The following PHF21A variants were observed in gnomAD, a reference collection of about 807,000 sequenced individuals.
PHF21A encodes the protein BHC80a.
Under a neutral mutation model 82.5 loss-of-function variants are expected in PHF21A, and 11 were observed. That is an observed-to-expected ratio of 0.13 (90% confidence interval 0.08 to 0.22). The LOEUF (loss-of-function observed/expected upper bound fraction) is 0.22. Among genes scored for constraint, PHF21A ranks in the 10% least tolerant of loss-of-function variants. The pLI, the probability that PHF21A is intolerant of heterozygous loss-of-function variation, is 1.00. For missense variants in PHF21A, 579 were observed against 837.8 expected (o/e 0.69, Z 3.81); for synonymous variants, 297 against 302.8 (o/e 0.98, Z 0.20).
chr11:46,039,450 A>C (rs2138685546), intron 6 of PHF21A, among the ~76,000 whole-genome samples: 1 of 152,316 alleles, frequency 6.6e-6, no homozygotes, highest in South Asian at 2.1e-4. Context: ...GGGAAGCCTG[A>C]GAATAGTCAG....
rs764686399 is a variant in PHF21A at position 46,026,062 on chromosome 11, AAT to A, written c.154-46098_154-46097del. On this transcript the variant is annotated intron_variant, in intron 6 of 18. Coordinates refer to ENST00000676320, the MANE Select transcript of PHF21A (RefSeq NM_001352027.3). ...GTCTCAGATCATGCCAAGTTATCTA[AAT>A]ATATCCTGGTATCAGAGGAAGTTGG... 1.0e-3 allele frequency among the ~76,000 whole-genome samples: 159 copies of A among 152,186 alleles called. 3 individuals carry two copies. The highest frequency in any genetic ancestry group is 3.7e-4 in the Non-Finnish European group (25 of 68,024).
chr11:45,995,246 G>C (rs2094863761), intron 6 of PHF21A, among the ~76,000 whole-genome samples: 1 of 152,128 alleles, frequency 6.6e-6, no homozygotes, highest in South Asian at 2.1e-4. Context: ...ATCCACTTTT[G>C]CCACTAATCA....
At chr11:45,969,296 A>C (rs926919052) in intron 9 of PHF21A, among the ~76,000 whole-genome samples, 6 of 152,218 alleles carry the variant, frequency 3.9e-5, no homozygotes, top group African/African-American at 9.6e-5. Context: ...ATGGTCATGC[A>C]GAGCTGCTCG....
intron 6 of PHF21A, chr11:46,049,599 G>C: frequency 2.4e-6 from 1 of 408,564 alleles, no homozygotes; most frequent in Non-Finnish European, 4.9e-6. Context: ...GCATATTTCT[G>C]GTTTTGCTCT....
chr11:46,069,534 A>G (rs2096632312), intron 6 of PHF21A, among the ~76,000 whole-genome samples: 1 of 152,220 alleles, frequency 6.6e-6, no homozygotes. Context: ...TCAGGTAACC[A>G]ACACAAGGAC....
chr11:45,971,768 T>C (rs981961790), intron 7 of PHF21A, among the ~76,000 whole-genome samples: 4 of 152,076 alleles, frequency 2.6e-5, no homozygotes, highest in Admixed American at 2.6e-4. Context: ...ATCAATGAGG[T>C]ACATGTCATT....
At chr11:46,117,561 G>GA (rs374073550) in intron 1 of PHF21A, among the ~76,000 whole-genome samples, 2 of 152,042 alleles carry the variant, frequency 1.3e-5, no homozygotes, top group South Asian at 2.1e-4. Flanking sequence ...AATCCGAGGG[G>GA]AAAAAACTAC....
At chr11:46,041,527 A>C (rs1043142000) in intron 6 of PHF21A, among the ~76,000 whole-genome samples, 2 of 152,188 alleles carry the variant, frequency 1.3e-5, no homozygotes, top group African/African-American at 4.8e-5. Flanking sequence ...AATTATAGCC[A>C]GGCCAAAATA....
intron 6 of PHF21A, among the ~76,000 whole-genome samples, chr11:46,028,605 G>A (rs1377719789): frequency 3.2e-5 from 4 of 123,924 alleles, no homozygotes; most frequent in African/African-American, 9.5e-5. Flanking sequence ...ACAGAGTCTC[G>A]TTCTGTCGCC....
At chr11:45,941,679 G>A (rs564223646) in intron 15 of PHF21A, among the ~76,000 whole-genome samples, 169 of 152,272 alleles carry the variant, frequency 1.1e-3, no homozygotes, top group African/African-American at 3.9e-3. Flanking sequence ...GAAGTCCTAC[G>A]GAGGCACCAT....
intron 1 of PHF21A, among the ~76,000 whole-genome samples, chr11:46,102,606 G>C (rs987564252): frequency 2.0e-5 from 3 of 152,152 alleles, no homozygotes; most frequent in Admixed American, 6.5e-5. Context: ...GCTTATTTTA[G>C]TTAAGTAACA....
At chr11:46,054,046 G>A (rs1457538422) in intron 6 of PHF21A, among the ~76,000 whole-genome samples, 1 of 152,048 alleles carries the variant, frequency 6.6e-6, no homozygotes, top group Non-Finnish European at 1.5e-5. Context: ...TCGTGGCAGT[G>A]GAGGAAGAAA....
At chr11:46,076,252 G>T (rs1336390408) in intron 6 of PHF21A, among the ~76,000 whole-genome samples, 8 of 152,212 alleles carry the variant, frequency 5.3e-5, no homozygotes, top group Non-Finnish European at 7.3e-5. Context: ...TTTCACCGAA[G>T]TTTTTTCACG....
In PHF21A at chr11:45,959,773, G is replaced by A. The variant is rs549615036; in HGVS notation, c.996+5542C>T. 3.9e-5 allele frequency among the ~76,000 whole-genome samples: 6 copies of A among 152,290 alleles called. No homozygotes were observed. The South Asian group carries it at 1.2e-3, about 32-fold the overall frequency. ...AGCAAAAAGGCAAACTACGGAACAGGAGAAAATATTTGCAAATCATGTAAC... is the reference window on the plus strand; with the variant it reads ...AGCAAAAAGGCAAACTACGGAACAGAAGAAAATATTTGCAAATCATGTAAC... On this transcript the variant is annotated intron_variant, in intron 10 of 18. Coordinates refer to ENST00000676320, the MANE Select transcript of PHF21A (RefSeq NM_001352027.3).
At chr11:45,992,434 G>A (rs1032441432) in intron 6 of PHF21A, among the ~76,000 whole-genome samples, 14 of 152,220 alleles carry the variant, frequency 9.2e-5, no homozygotes, top group African/African-American at 3.4e-4. Flanking sequence ...CAGCTACTCG[G>A]GAGGCTGAGG....
chr11:45,959,669 T>TA (rs2092953109), intron 10 of PHF21A, among the ~76,000 whole-genome samples: 2 of 152,164 alleles, frequency 1.3e-5, no homozygotes, highest in Admixed American at 1.3e-4. Context: ...ATACTAGAGC[T>TA]AATAAACAAA....
At chr11:45,969,095 T>C (rs1327780649) in intron 9 of PHF21A, among the ~76,000 whole-genome samples, 1 of 152,174 alleles carries the variant, frequency 6.6e-6, no homozygotes, top group Non-Finnish European at 1.5e-5. Flanking sequence ...TTGGAAATCA[T>C]TTACACTACT....
intron 6 of PHF21A, among the ~76,000 whole-genome samples, chr11:46,016,678 T>A (rs75688046): frequency 4.6e-5 from 7 of 152,250 alleles, no homozygotes; most frequent in Admixed American, 3.9e-4. Flanking sequence ...AGCTTATGTT[T>A]TTCTCCTCTA....
intron 14 of PHF21A, 82 bp downstream of exon 14, chr11:45,948,804 T>A: frequency 1.1e-6 from 1 of 951,890 alleles, no homozygotes; most frequent in Non-Finnish European, 1.7e-6. Context: ...GGTCCTATAA[T>A]GATGGGAGGA....
Sources: allele counts gnomAD v4.1 joint callset (sites outside exome capture counted in the v4.1 genomes callset), GRCh38; gene constraint gnomAD v4.1.1; transcripts MANE v1.5; gene names NCBI Gene and HGNC (gene_info 2026-07-23, HGNC 2026-07-21).